Variants in FGF12 observed in about 807,000 individuals in gnomAD.
FGF12 encodes fibroblast growth factor 12B.
A neutral mutation model predicts 23.6 loss-of-function variants in FGF12; 14 were observed. The ratio of observed to expected loss-of-function variants is 0.59; its 90% confidence interval spans 0.39 to 0.93. The LOEUF is 0.93. Among genes scored for constraint, FGF12 ranks in the 40% least tolerant of loss-of-function variants. The pLI, the probability that FGF12 is intolerant of heterozygous loss-of-function variation, is 0.00. For missense variants in FGF12, 175 were observed against 217.8 expected (o/e 0.80, Z 1.24); for synonymous variants, 62 against 77.3 (o/e 0.80, Z 1.04).
Position 192,623,211 on chromosome 3 carries a change from A to C in FGF12, c.13+103970T>G, listed in dbSNP as rs190757217. On this transcript the variant is annotated intron_variant, in intron 2 of 5. Coordinates refer to ENST00000445105, the MANE Select transcript of FGF12 (RefSeq NM_004113.6). ...ATGAAAGCAACTAATAACAAGGCAA[A>C]AGTGAAGTCAGTACCAAATGGACTA... Among the ~76,000 whole-genome samples the C allele has an allele frequency of 2.3e-3, 352 of 152,342 alleles. 10 individuals are homozygous for C. The South Asian group carries it at 0.046, about 20-fold the overall frequency.
chr3:192,173,849 A>G (rs112294207), intron 4 of FGF12, among the ~76,000 whole-genome samples: 2,364 of 152,352 alleles, frequency 0.016, 29 homozygotes, highest in Non-Finnish European at 0.025. Flanking sequence ...TGTACATCAC[A>G]GAAACATGTA....
intron 2 of FGF12, among the ~76,000 whole-genome samples, chr3:192,399,930 G>C (rs1720686249): frequency 6.6e-6 from 1 of 152,220 alleles, no homozygotes; most frequent in South Asian, 2.1e-4. Context: ...CCTATGTTCA[G>C]GGTGAGGAGT....
At chr3:192,644,459 A>G (rs886086014) in intron 2 of FGF12, among the ~76,000 whole-genome samples, 2 of 152,106 alleles carry the variant, frequency 1.3e-5, no homozygotes, top group Non-Finnish European at 1.5e-5. Flanking sequence ...ATTTTATTGC[A>G]TGATGGTTTC....
At chr3:192,330,095 G>T (rs1233416741) in intron 4 of FGF12, among the ~76,000 whole-genome samples, 3 of 152,058 alleles carry the variant, frequency 2.0e-5, no homozygotes, top group Non-Finnish European at 4.4e-5. Flanking sequence ...ATTGTCAAAA[G>T]AAATCCCATG....
intron 3 of FGF12, among the ~76,000 whole-genome samples, chr3:192,344,959 C>A (rs746176659): frequency 1.5e-4 from 23 of 152,170 alleles, no homozygotes; most frequent in Non-Finnish European, 3.1e-4. Context: ...CCCGTCTGGT[C>A]TGAAGAATTC....
chr3:192,693,077 A>G (rs1400264978), intron 2 of FGF12, among the ~76,000 whole-genome samples: 1 of 152,148 alleles, frequency 6.6e-6, no homozygotes, highest in Non-Finnish European at 1.5e-5. Context: ...AAACTCTTAG[A>G]ATGGTTTTAG....
At chr3:192,513,165 A>C (rs569156263) in intron 2 of FGF12, among the ~76,000 whole-genome samples, 34 of 152,034 alleles carry the variant, frequency 2.2e-4, no homozygotes, top group Non-Finnish European at 4.6e-4. Flanking sequence ...ATCTATTCAC[A>C]TTATATTTAC....
chr3:192,434,476 C>T (rs1332739535), intron 2 of FGF12, among the ~76,000 whole-genome samples: 1 of 152,114 alleles, frequency 6.6e-6, no homozygotes, highest in East Asian at 1.9e-4. Flanking sequence ...CACAGACTGC[C>T]ATAGGAGTAA....
intron 4 of FGF12, among the ~76,000 whole-genome samples, chr3:192,277,112 C>T (rs1022637806): frequency 6.6e-6 from 1 of 152,184 alleles, no homozygotes; most frequent in African/African-American, 2.4e-5. Context: ...TCTCAATCTG[C>T]CTCTTGTCAA....
intron 4 of FGF12, among the ~76,000 whole-genome samples, chr3:192,307,328 A>G (rs550061545): frequency 3.3e-5 from 5 of 152,304 alleles, no homozygotes; most frequent in East Asian, 1.9e-4. Flanking sequence ...TAAATAGAAA[A>G]TGTTCCTTAT....
intron 2 of FGF12, among the ~76,000 whole-genome samples, chr3:192,613,150 G>A (rs929791288): frequency 6.6e-6 from 1 of 151,772 alleles, no homozygotes; most frequent in Non-Finnish European, 1.5e-5. Flanking sequence ...TTGCTGACCA[G>A]TGGAAAGCTT....
intron 2 of FGF12, among the ~76,000 whole-genome samples, chr3:192,443,662 C>A (rs1722270298): frequency 6.6e-6 from 1 of 152,098 alleles, no homozygotes; most frequent in Admixed American, 6.5e-5. Context: ...CTCAATATAC[C>A]TTATAAGTTA....
At chr3:192,701,205 A>G (rs1453127167) in intron 2 of FGF12, among the ~76,000 whole-genome samples, 5 of 152,180 alleles carry the variant, frequency 3.3e-5, no homozygotes, top group Non-Finnish European at 7.4e-5. Flanking sequence ...AGCAATTGTC[A>G]ATCAGAAAAT....
intron 4 of FGF12, among the ~76,000 whole-genome samples, chr3:192,279,979 T>C (rs1204357616): frequency 6.6e-6 from 1 of 152,180 alleles, no homozygotes; most frequent in Non-Finnish European, 1.5e-5. Flanking sequence ...ATTTTTAAAA[T>C]TTACATTTAC....
At chr3:192,529,256 A>C (rs1725028239) in intron 2 of FGF12, among the ~76,000 whole-genome samples, 1 of 152,184 alleles carries the variant, frequency 6.6e-6, no homozygotes, top group Non-Finnish European at 1.5e-5. Flanking sequence ...TAAAGTTCAA[A>C]GTTCCACAAA....
At position 192,409,375 on chromosome 3, in the gene FGF12, C is replaced by T. The variant is rs1721104900; in HGVS notation, c.14-48837G>A. Among the ~76,000 whole-genome samples, 1 of 152,132 alleles carries T rather than the reference C, an allele frequency of 6.6e-6. No homozygotes were observed. The highest frequency in any genetic ancestry group is 2.4e-5 in the African/African-American group (1 of 41,458). On this transcript the variant is annotated intron_variant, in intron 2 of 5. Coordinates refer to ENST00000445105, the MANE Select transcript of FGF12 (RefSeq NM_004113.6). The surrounding 1 kb of genome is among the most constrained non-coding windows in gnomAD (Gnocchi z 4.8). ...GTCCACCCGGGGCCGCCGCACCGAG[C>T]TGGTCTCCGCACAGGCTCAGAGGGA...
intron 2 of FGF12, among the ~76,000 whole-genome samples, chr3:192,453,595 T>C (rs1722590405): frequency 6.6e-6 from 1 of 152,220 alleles, no homozygotes; most frequent in South Asian, 2.1e-4. Context: ...TTCTTTAAGG[T>C]ATTATTAGAA....
chr3:192,147,640 G>A (rs1023225573), intron 5 of FGF12, among the ~76,000 whole-genome samples: 14 of 151,950 alleles, frequency 9.2e-5, no homozygotes, highest in South Asian at 2.1e-4. Flanking sequence ...TATAGTAGGT[G>A]AGAAATTATC....
chr3:192,210,551 A>T (rs192565660), intron 4 of FGF12, among the ~76,000 whole-genome samples: 12 of 152,346 alleles, frequency 7.9e-5, no homozygotes, highest in Admixed American at 7.2e-4. Context: ...TACACAGAAA[A>T]GAGATGGAAG....
Sources: allele counts gnomAD v4.1 joint callset (sites outside exome capture counted in the v4.1 genomes callset), GRCh38; gene constraint gnomAD v4.1.1; non-coding constraint Gnocchi (gnomAD v3.1); transcripts MANE v1.5; gene names NCBI Gene and HGNC (gene_info 2026-07-23, HGNC 2026-07-21).